The following GULP1 variants were observed in gnomAD, a reference collection of about 807,000 sequenced individuals.
The protein encoded by GULP1 is GULP PTB domain containing engulfment adaptor 1, also known as PTB domain-containing engulfment adapter protein 1.
In GULP1, 19 loss-of-function variants were observed where a neutral mutation model predicts 40.9. That is an observed-to-expected ratio of 0.46 (90% CI 0.32 to 0.68). The LOEUF is 0.68. Among genes scored for constraint, GULP1 ranks in the 30% least tolerant of loss-of-function variants. The pLI is 0.03. For missense variants in GULP1, 312 were observed against 362.2 expected (o/e 0.86, Z 1.12); for synonymous variants, 119 against 117.6 (o/e 1.01, Z -0.08).
chr2:188,411,571 C>T (rs1477834397), intron 2 of GULP1, among the ~76,000 whole-genome samples: 2 of 152,190 alleles, frequency 1.3e-5, no homozygotes, highest in Non-Finnish European at 2.9e-5. Flanking sequence ...TCCTCCTCTT[C>T]TGAGGTCACC....
At chr2:188,371,900 A>G (rs2047648576) in intron 1 of GULP1, among the ~76,000 whole-genome samples, 1 of 152,124 alleles carries the variant, frequency 6.6e-6, no homozygotes, top group Admixed American at 6.5e-5. Flanking sequence ...AGAGATAAAG[A>G]TGAATCTTTA....
intron 1 of GULP1, among the ~76,000 whole-genome samples, chr2:188,368,788 CAT>C (rs1481343483): frequency 6.6e-6 from 1 of 150,784 alleles, no homozygotes; most frequent in African/African-American, 2.4e-5. Context: ...AAATGAAAAA[CAT>C]ATTTCCTTTT....
intron 2 of GULP1, among the ~76,000 whole-genome samples, chr2:188,422,282 A>G (rs759637396): frequency 1.3e-4 from 19 of 151,728 alleles, no homozygotes; most frequent in Non-Finnish European, 1.8e-4. Context: ...AGGAATTATT[A>G]TATCACTGGT....
chr2:188,341,864 A>G (rs962065831), intron 1 of GULP1, among the ~76,000 whole-genome samples: 4 of 152,192 alleles, frequency 2.6e-5, no homozygotes, highest in Non-Finnish European at 5.9e-5. Context: ...AGAACTAAGA[A>G]TAGAAATTGC....
intron 4 of GULP1, among the ~76,000 whole-genome samples, chr2:188,494,348 A>G (rs1468551054): frequency 6.6e-6 from 1 of 152,048 alleles, no homozygotes; most frequent in South Asian, 2.1e-4. Context: ...GGTGTCAGTC[A>G]GTGCTTCTCC....
intron 2 of GULP1, among the ~76,000 whole-genome samples, chr2:188,389,991 G>C (rs961935407): frequency 6.6e-6 from 1 of 151,176 alleles, no homozygotes; most frequent in Admixed American, 6.6e-5. Context: ...AGCATTTCAT[G>C]GTGTACATAT....
chr2:188,522,977 G>T (rs940144227), intron 5 of GULP1, 150 bp downstream of exon 5: 3 of 518,268 alleles, frequency 5.8e-6, no homozygotes, highest in African/African-American at 5.7e-5. Flanking sequence ...TCATATCAAG[G>T]AAACATTTTT....
chr2:188,423,767 A>ATT (rs1187024553), intron 2 of GULP1, among the ~76,000 whole-genome samples: 2 of 151,892 alleles, frequency 1.3e-5, no homozygotes, highest in African/African-American at 4.8e-5. Context: ...AGCTTTTCAA[A>ATT]TTAGATAGAA....
chr2:188,330,796 T>C (rs184017735), intron 1 of GULP1, among the ~76,000 whole-genome samples: 1 of 152,346 alleles, frequency 6.6e-6, no homozygotes, highest in East Asian at 1.9e-4. Flanking sequence ...AAGGTTCATC[T>C]GGATTACTGG....
At chr2:188,525,485 T>C (rs1315519143) in intron 5 of GULP1, among the ~76,000 whole-genome samples, 2 of 152,212 alleles carry the variant, frequency 1.3e-5, no homozygotes, top group Admixed American at 6.5e-5. Context: ...TTGAATAGCA[T>C]TGTTATTGGA....
At chr2:188,550,866 G>T (rs537769889) in intron 7 of GULP1, among the ~76,000 whole-genome samples, 233 of 151,582 alleles carry the variant, frequency 1.5e-3, no homozygotes, top group Non-Finnish European at 2.2e-3. Flanking sequence ...CCAACTTAAT[G>T]TAATTAGTTT....
intron 7 of GULP1, among the ~76,000 whole-genome samples, chr2:188,552,848 T>G (rs886072217): frequency 6.7e-6 from 1 of 150,368 alleles, no homozygotes; most frequent in African/African-American, 2.4e-5. Context: ...TGGTTAAATT[T>G]ATTCATATAT....
chr2:188,466,295 C>T (rs970573931), intron 2 of GULP1, among the ~76,000 whole-genome samples: 6 of 151,128 alleles, frequency 4.0e-5, no homozygotes, highest in African/African-American at 1.5e-4. Flanking sequence ...TTTTTTTTCC[C>T]CCCCCGGAGT....
chr2:188,383,704 A>G (rs1226346649), intron 1 of GULP1, 59 bp from the exon 2 acceptor site: 2 of 151,866 alleles, frequency 1.3e-5, no homozygotes, highest in African/African-American at 4.9e-5. Flanking sequence ...TTCTAAATTA[A>G]AATAAACAGA....
chr2:188,364,928 G>A (rs532104446), intron 1 of GULP1, among the ~76,000 whole-genome samples: 79 of 148,486 alleles, frequency 5.3e-4, no homozygotes, highest in African/African-American at 1.5e-3. Flanking sequence ...ATATATATGT[G>A]TATATATATA....
rs536123908 is a variant in GULP1, at chr2:188,498,391, G to A, written c.90+14899G>A. Among the ~76,000 whole-genome samples the A allele has an allele frequency of 2.6e-5, 4 of 151,902 alleles. No homozygotes were observed. The South Asian group carries it at 8.3e-4, about 32-fold the overall frequency. On this transcript the variant is annotated intron_variant, in intron 4 of 11. Coordinates refer to ENST00000409830, the MANE Select transcript of GULP1 (RefSeq NM_016315.4). ...ATTTTAGATTCTATAGAACATCTGG[G>A]TTAGAAATATCCAAGAAATAATTAA...
intron 2 of GULP1, among the ~76,000 whole-genome samples, chr2:188,442,938 A>T (rs893264318): frequency 2.6e-5 from 4 of 152,188 alleles, no homozygotes; most frequent in African/African-American, 9.7e-5. Context: ...ACCAGAGAGG[A>T]GTTATCAAGG....
chr2:188,488,926 A>G (rs529317582), intron 4 of GULP1, among the ~76,000 whole-genome samples: 1 of 152,056 alleles, frequency 6.6e-6, no homozygotes, highest in Non-Finnish European at 1.5e-5. Flanking sequence ...AGGGAGTTTT[A>G]CAAGTAATCA....
At chr2:188,501,834 T>C (rs575268791) in intron 4 of GULP1, among the ~76,000 whole-genome samples, 2 of 152,036 alleles carry the variant, frequency 1.3e-5, no homozygotes, top group South Asian at 2.1e-4. Flanking sequence ...TTCCTGAAAG[T>C]TGCCAAAACA....
Sources: gnomAD v4.1 joint callset for allele counts (sites outside exome capture counted in the v4.1 genomes callset) on GRCh38, gnomAD v4.1.1 for gene constraint, MANE v1.5 for transcripts, NCBI Gene and HGNC (gene_info 2026-07-23, HGNC 2026-07-21) for gene names.